The following RAPGEF1 variants were observed in gnomAD, a reference collection of about 807,000 sequenced individuals.
RAPGEF1 encodes the protein Rap guanine nucleotide exchange factor 1, also known as CRK SH3-binding GNRP.
Under a neutral mutation model 143.3 loss-of-function variants are expected in RAPGEF1, and 33 were observed. The observed-to-expected ratio is 0.23, with a 90% CI of 0.17 to 0.31. RAPGEF1 has a LOEUF of 0.31. Ranked by LOEUF, RAPGEF1 falls within the 10% of genes least tolerant of loss-of-function variation. The pLI is 1.00. For synonymous variants in RAPGEF1, 629 were observed against 676.5 expected, an observed-to-expected ratio of 0.93 and a Z score of 1.09; for missense variants, 1,199 against 1,645.4, an observed-to-expected ratio of 0.73 and a Z score of 4.69.
chr9:131,739,520 G>A (rs534192515), intron 1 of RAPGEF1, among the ~76,000 whole-genome samples: 142 of 151,534 alleles, frequency 9.4e-4, no homozygotes, highest in African/African-American at 3.2e-3. Context: ...TAGCGCGCCC[G>A]GCCCCGGGTT....
At chr9:131,732,316 C>T (rs76487528) in intron 1 of RAPGEF1, among the ~76,000 whole-genome samples, 8,414 of 152,168 alleles carry the variant, frequency 0.055, 357 homozygotes, top group Non-Finnish European at 0.089. Context: ...CTGAGTAGAG[C>T]TGGCACAGGC....
intron 12 of RAPGEF1, among the ~76,000 whole-genome samples, chr9:131,606,948 C>G (rs1957212164): frequency 1.3e-5 from 2 of 152,086 alleles, no homozygotes; most frequent in African/African-American, 4.8e-5. Context: ...GCAAAGCTAC[C>G]CTTTAACCTG....
intron 22 of RAPGEF1, among the ~76,000 whole-genome samples, chr9:131,585,628 T>C (rs979063251): frequency 3.9e-5 from 6 of 152,218 alleles, no homozygotes; most frequent in African/African-American, 9.6e-5. Flanking sequence ...TACGCTGGAC[T>C]GCCATAGCTA....
chr9:131,719,886 C>T (rs201395647), intron 1 of RAPGEF1, among the ~76,000 whole-genome samples: 25 of 135,738 alleles, frequency 1.8e-4, no homozygotes, highest in Admixed American at 4.4e-4. Context: ...TTCTTTCTTT[C>T]TTTTTTTTTT....
chr9:131,715,772 G>A (rs1313153690), intron 1 of RAPGEF1, among the ~76,000 whole-genome samples: 1 of 149,076 alleles, frequency 6.7e-6, no homozygotes, highest in Non-Finnish European at 1.5e-5. Flanking sequence ...GGCTGAGGCA[G>A]AAGAATCACT....
chr9:131,677,661 A>G (rs529056165), intron 1 of RAPGEF1, among the ~76,000 whole-genome samples: 5 of 152,234 alleles, frequency 3.3e-5, no homozygotes, highest in South Asian at 4.1e-4. Context: ...CCAAACTACC[A>G]TAATATTAAA....
intron 12 of RAPGEF1, among the ~76,000 whole-genome samples, chr9:131,611,970 AT>A (rs1958082658): frequency 1.3e-5 from 2 of 152,218 alleles, no homozygotes; most frequent in African/African-American, 4.8e-5. Flanking sequence ...CTTGGAACAA[AT>A]GGCTCAGCTT....
In RAPGEF1 at chr9:131,626,170, G is replaced by A. The variant is rs554713394; in HGVS notation, c.1454C>T (p.Thr485Met). The A allele has an allele frequency of 8.1e-6, 13 of 1,613,966 alleles. No individual in the cohort carries two copies. Among genetic ancestry groups the A allele is most frequent in the Admixed American group, 5.0e-5 (3 of 60,024 alleles). Residue 485 changes from threonine (T) to methionine (M), a missense_variant, in exon 10 of 27, where the codon ACG (threonine) becomes ATG (methionine). By Grantham distance (81) the Thr-to-Met change is moderately conservative. Transcript: ENST00000683357. The part of the protein sequence containing the change: ...EKKRRSAASQ[T>M]ADGSGCRVSY... ...CACCCTGCAGCCAGAGCCGTCCGCCGTCTGGGAGGCTGCGCTCCTGCGCTT... is the reference window on the plus strand; with the variant it reads ...CACCCTGCAGCCAGAGCCGTCCGCCATCTGGGAGGCTGCGCTCCTGCGCTT...
chr9:131,591,020 G>A (rs1372051410), intron 18 of RAPGEF1, among the ~76,000 whole-genome samples: 1 of 152,254 alleles, frequency 6.6e-6, no homozygotes, highest in Non-Finnish European at 1.5e-5. Context: ...CATAGAGCTA[G>A]GGCTAGGTGA....
intron 1 of RAPGEF1, among the ~76,000 whole-genome samples, chr9:131,691,598 A>C (rs1833784445): frequency 1.3e-5 from 2 of 152,152 alleles, no homozygotes; most frequent in African/African-American, 2.4e-5. Context: ...AGCAACTATA[A>C]TCCTAAAATG....
At chr9:131,722,440 G>C (rs1836333847) in intron 1 of RAPGEF1, among the ~76,000 whole-genome samples, 1 of 152,232 alleles carries the variant, frequency 6.6e-6, no homozygotes, top group South Asian at 2.1e-4. Flanking sequence ...GCTGCTGATG[G>C]ATCCAGGCAG....
intron 1 of RAPGEF1, among the ~76,000 whole-genome samples, chr9:131,693,059 T>C (rs151207917): frequency 6.6e-6 from 1 of 152,312 alleles, no homozygotes; most frequent in Non-Finnish European, 1.5e-5. Context: ...ACAACAGTAG[T>C]CTCCCTGGTG....
At chr9:131,728,992 CAAT>C (rs753842196) in intron 1 of RAPGEF1, among the ~76,000 whole-genome samples, 4 of 152,188 alleles carry the variant, frequency 2.6e-5, no homozygotes, top group Non-Finnish European at 4.4e-5. Flanking sequence ...GATCCCACAA[CAAT>C]GACACAGGAG....
chr9:131,674,032 G>A (rs897786784), intron 1 of RAPGEF1, among the ~76,000 whole-genome samples: 1 of 152,230 alleles, frequency 6.6e-6, no homozygotes, highest in Non-Finnish European at 1.5e-5. Context: ...GTAAAAAGCA[G>A]AATGATGCGA....
At chr9:131,703,219 T>C (rs1403725652) in intron 1 of RAPGEF1, among the ~76,000 whole-genome samples, 1 of 152,184 alleles carries the variant, frequency 6.6e-6, no homozygotes, top group African/African-American at 2.4e-5. Flanking sequence ...AGGCTGGTCT[T>C]GAACTCCTGA....
At chr9:131,634,777 T>C (rs1479282347) in intron 5 of RAPGEF1, among the ~76,000 whole-genome samples, 1 of 140,704 alleles carries the variant, frequency 7.1e-6, no homozygotes, top group East Asian at 2.1e-4. Flanking sequence ...TAAATAACAG[T>C]TGACAAGTCA....
At chr9:131,647,584 T>C (rs549619265) in intron 3 of RAPGEF1, among the ~76,000 whole-genome samples, 1 of 152,336 alleles carries the variant, frequency 6.6e-6, no homozygotes, top group Admixed American at 6.5e-5. Flanking sequence ...GGGCAGCAGA[T>C]GACAGACCCA....
chr9:131,626,900 A>T (rs1963286644), intron 9 of RAPGEF1, among the ~76,000 whole-genome samples: 2 of 152,204 alleles, frequency 1.3e-5, no homozygotes, highest in Admixed American at 1.3e-4. Context: ...CAGGAGTTCA[A>T]TACCAGCCTG....
chr9:131,628,761 T>G lies in RAPGEF1; in HGVS notation c.894-89A>C. The G allele has an allele frequency of 6.8e-7, 1 of 1,478,938 alleles. No individual in the cohort carries two copies. Among genetic ancestry groups the G allele is most frequent in the Non-Finnish European group, 9.1e-7 (1 of 1,100,896 alleles). The allele number at this position is 1,478,938 out of a possible 1,614,324, so 91.6% of individuals were successfully genotyped here. On this transcript the variant is annotated intron_variant, in intron 7 of 26. Transcript: ENST00000683357. This position sits in a 1 kb window ranked among gnomAD's most constrained non-coding sequence, Gnocchi z 5.7. Reference sequence around the variant, plus strand: ...TTGGGGTACAGGATGTGGGGTTCTTTCATTACTAGACTCTCCACACCCAAT... The same window carrying G: ...TTGGGGTACAGGATGTGGGGTTCTTGCATTACTAGACTCTCCACACCCAAT...
Sources: gnomAD v4.1 joint callset for allele counts (sites outside exome capture counted in the v4.1 genomes callset) on GRCh38, gnomAD v4.1.1 for gene constraint, Gnocchi (gnomAD v3.1) non-coding constraint, MANE v1.5 for transcripts, NCBI Gene and HGNC (gene_info 2026-07-23, HGNC 2026-07-21) for gene names.